Variants in CCDC57 observed in about 807,000 individuals in gnomAD.
CCDC57 encodes the protein coiled-coil domain-containing protein 57.
A neutral mutation model predicts 118.9 loss-of-function variants in CCDC57; 118 were observed. The ratio of observed to expected loss-of-function variants is 0.99; its 90% confidence interval spans 0.86 to 1.16. The LOEUF is 1.16. CCDC57 is among the 50% of genes most tolerant of loss of function. The probability of loss-of-function intolerance (pLI) is 0.00; values close to 1 mark genes in which losing one functional copy is unlikely to be tolerated. For missense variants in CCDC57, 1,300 were observed against 1,320.7 expected, an observed-to-expected ratio of 0.98 and a Z score of 0.24; for synonymous variants, 527 against 532.9, an observed-to-expected ratio of 0.99 and a Z score of 0.15.
exon 3 of CCDC57, chr17:82,201,621 T>C: frequency 6.2e-7 from 1 of 1,613,754 alleles, no homozygotes; most frequent in Non-Finnish European, 8.5e-7. Context: ...TCCTGGCCTC[T>C]CTGGCTAGCG....
chr17:82,158,607 G>A (rs188301794), intron 14 of CCDC57, among the ~76,000 whole-genome samples: 11 of 149,178 alleles, frequency 7.4e-5, no homozygotes, highest in African/African-American at 2.7e-4. Context: ...AGAATGGCAT[G>A]AACCCGGGAG....
chr17:82,121,724 G>C (rs375623196), intron 19 of CCDC57, among the ~76,000 whole-genome samples: 2 of 152,216 alleles, frequency 1.3e-5, no homozygotes, highest in African/African-American at 4.8e-5. Context: ...CAGTCAGCGC[G>C]TCCTGCCATG....
intron 2 of CCDC57, among the ~76,000 whole-genome samples, chr17:82,206,316 C>A (rs1326223280): frequency 1.3e-5 from 2 of 152,232 alleles, no homozygotes; most frequent in Non-Finnish European, 2.9e-5. Flanking sequence ...GGTTTTCTTG[C>A]ACAGTTCCTG....
At chr17:82,166,327 T>C (rs373578368) in intron 13 of CCDC57, among the ~76,000 whole-genome samples, 4 of 141,352 alleles carry the variant, frequency 2.8e-5, no homozygotes, top group South Asian at 2.3e-4. Flanking sequence ...CTGGGCAACA[T>C]AGTGAAACCC....
At chr17:82,133,949 T>C in intron 17 of CCDC57, 124 bp downstream of exon 16, 1 of 979,238 alleles carries the variant, frequency 1.0e-6, no homozygotes, top group East Asian at 3.3e-5. Flanking sequence ...AATAACTATA[T>C]CTGGATCCTG....
rs1246675774 is a variant in CCDC57 at position 82,192,825 on chromosome 17, A to C, written c.851+931T>G. Reference sequence around the variant, plus strand: ...CCTTGAAGTTCTTCTGGATTTATACAACTGCACAAATATCATGTCAATAAA... The same window carrying C: ...CCTTGAAGTTCTTCTGGATTTATACCACTGCACAAATATCATGTCAATAAA... On this transcript the variant is annotated intron_variant, in intron 7 of 19. Coordinates refer to ENST00000665763, the Ensembl canonical transcript of CCDC57. The surrounding 1 kb of genome is among the most constrained non-coding windows in gnomAD (Gnocchi z 4.0). Among the ~76,000 whole-genome samples the C allele has an allele frequency of 6.6e-6, 1 of 152,226 alleles. No individual in the cohort carries two copies. The highest frequency in any genetic ancestry group is 2.4e-5 in the African/African-American group (1 of 41,454).
chr17:82,117,611 C>T (rs1004774701), intron 19 of CCDC57, among the ~76,000 whole-genome samples: 3 of 151,822 alleles, frequency 2.0e-5, no homozygotes, highest in Non-Finnish European at 2.9e-5. Flanking sequence ...GCCATGGCTG[C>T]GGCACTACAC....
At chr17:82,103,971 G>A (rs1312828169) in intron 19 of CCDC57, among the ~76,000 whole-genome samples, 1 of 152,180 alleles carries the variant, frequency 6.6e-6, no homozygotes, top group African/African-American at 2.4e-5. Flanking sequence ...GATGGTGGCA[G>A]GGAACTGGCC....
At position 82,118,666 on chromosome 17, in the gene CCDC57, G is replaced by T. The variant is rs934505643; in HGVS notation, c.2899+9026C>A. ...TTCTTTGGGGTGAGGTCAGACATCT[G>T]CCTGGGTGCTTCTCTGGAACTGCCT... is the stretch of plus-strand genomic sequence containing the variant. On this transcript the variant is annotated intron_variant, in intron 19 of 19. Coordinates refer to ENST00000665763, the Ensembl canonical transcript of CCDC57. This position sits in a 1 kb window ranked among gnomAD's most constrained non-coding sequence, Gnocchi z 4.7. 2.0e-5 allele frequency among the ~76,000 whole-genome samples: 3 copies of T among 152,112 alleles called. No individual in the cohort carries two copies. The highest frequency in any genetic ancestry group is 7.2e-5 in the African/African-American group (3 of 41,418).
chr17:82,189,318 G>T (rs950031368), intron 7 of CCDC57, among the ~76,000 whole-genome samples: 1 of 151,496 alleles, frequency 6.6e-6, no homozygotes, highest in Non-Finnish European at 1.5e-5. Flanking sequence ...AATTTAAAAA[G>T]ATTTACGTGT....
intron 3 of CCDC57, among the ~76,000 whole-genome samples, chr17:82,200,450 TAAG>T (rs375663741): frequency 3.3e-5 from 5 of 152,216 alleles, no homozygotes; most frequent in African/African-American, 1.2e-4. Flanking sequence ...CTTTCTATGA[TAAG>T]AATAGTTTAC....
chr17:82,128,928 T>G (rs7209948), intron 17 of CCDC57, among the ~76,000 whole-genome samples: 81,026 of 151,322 alleles, frequency 0.54, 22,537 homozygotes, highest in Non-Finnish European at 0.58. Flanking sequence ...TTTTGTTTTT[T>G]TTTTTTTTGA....
At chr17:82,116,934 C>A (rs1310023964) in intron 19 of CCDC57, among the ~76,000 whole-genome samples, 1 of 152,246 alleles carries the variant, frequency 6.6e-6, no homozygotes, top group African/African-American at 2.4e-5. Flanking sequence ...GAAGTCACAA[C>A]AAACGCCCAT....
In CCDC57 at chr17:82,193,744, C is replaced by A; in HGVS notation, c.851+12G>T. 6.3e-7 allele frequency: 1 copy of A among 1,585,374 alleles called. No homozygotes were observed. Reference sequence around the variant, plus strand: ...TGACATGCTGCATGATGTTGGGAGCCGAAACACTCACTTCCTCTTAAATGT... The same window carrying A: ...TGACATGCTGCATGATGTTGGGAGCAGAAACACTCACTTCCTCTTAAATGT... On this transcript the variant is annotated intron_variant, in intron 7 of 19. Transcript: ENST00000665763.
exon 3 of CCDC57, chr17:82,201,690 T>C (rs8072670): frequency 0.7 from 1,134,316 of 1,613,858 alleles, 403,507 homozygotes; most frequent in East Asian, 0.94. Flanking sequence ...GCCTGGCCTC[T>C]TCCCACTCCC....
chr17:82,173,095 C>A (rs1041042659), intron 11 of CCDC57, among the ~76,000 whole-genome samples: 1 of 152,058 alleles, frequency 6.6e-6, no homozygotes, highest in African/African-American at 2.4e-5. Flanking sequence ...AGTGTCCAAT[C>A]CACAGAGGCA....
chr17:82,169,701 G>C (rs1477981258), intron 13 of CCDC57, among the ~76,000 whole-genome samples: 1 of 152,196 alleles, frequency 6.6e-6, no homozygotes, highest in African/African-American at 2.4e-5. Context: ...AAGAGGACTC[G>C]ATCAAAGTAA....
At chr17:82,171,627 T>C (rs1375714134) in intron 13 of CCDC57, 74 bp downstream of exon 12, 11 of 1,504,106 alleles carry the variant, frequency 7.3e-6, no homozygotes, top group South Asian at 4.8e-5. Context: ...ATATTTGCTA[T>C]GAGCGGACTT....
chr17:82,167,517 A>T (rs553739981), intron 13 of CCDC57, among the ~76,000 whole-genome samples: 33 of 152,108 alleles, frequency 2.2e-4, no homozygotes, highest in Admixed American at 6.5e-4. Context: ...TGCCCAGCTA[A>T]TTTTTGTATT....
Sources: gnomAD v4.1 joint callset for allele counts (sites outside exome capture counted in the v4.1 genomes callset) on GRCh38, gnomAD v4.1.1 for gene constraint, Gnocchi (gnomAD v3.1) non-coding constraint, MANE v1.5 for transcripts, NCBI Gene and HGNC (gene_info 2026-07-23, HGNC 2026-07-21) for gene names.